LRRC37A2: variants seen among roughly 807,000 people sequenced by gnomAD.
LRRC37A2 encodes the protein leucine rich repeat containing 37 member A2.
In LRRC37A2, 9 loss-of-function variants were observed where a neutral mutation model predicts 68.8. The observed-to-expected ratio is 0.13, with a 90% CI of 0.08 to 0.23. The LOEUF (loss-of-function observed/expected upper bound fraction) is 0.23, where lower values mean the gene tolerates loss of function less well. Ranked by LOEUF, LRRC37A2 falls within the 10% of genes least tolerant of loss-of-function variation. The pLI, the probability that LRRC37A2 is intolerant of heterozygous loss-of-function variation, is 1.00. For missense variants in LRRC37A2, 168 were observed against 950.4 expected, an observed-to-expected ratio of 0.18 and a Z score of 10.82; for synonymous variants, 63 against 367.6, an observed-to-expected ratio of 0.17 and a Z score of 9.48.
the LRRC37A2 span, among the ~76,000 whole-genome samples, chr17:46,893,896 G>T: frequency 2.0e-5 from 3 of 152,190 alleles, no homozygotes; most frequent in South Asian, 2.1e-4. Context: ...CTTCAAGTGG[G>T]CGTGGAGGTG....
At chr17:46,900,328 G>A in the LRRC37A2 span, among the ~76,000 whole-genome samples, 3 of 151,410 alleles carry the variant, frequency 2.0e-5, no homozygotes, top group African/African-American at 7.3e-5. Flanking sequence ...TTGGCTCACT[G>A]CAGCCTCTGC....
chr17:46,968,064 C>T, the LRRC37A2 span, among the ~76,000 whole-genome samples: 409 of 152,046 alleles, frequency 2.7e-3, 2 homozygotes, highest in African/African-American at 9.5e-3. Flanking sequence ...GGGATGGGGG[C>T]CTTCTTCAGC....
chr17:46,622,353 G>A, the LRRC37A2 span, among the ~76,000 whole-genome samples: 1 of 150,130 alleles, frequency 6.7e-6, no homozygotes, highest in Admixed American at 6.6e-5. Context: ...AGCTACTTGG[G>A]AGGCTGAGGC....
At chr17:46,744,779 G>T in the LRRC37A2 span, among the ~76,000 whole-genome samples, 2 of 152,134 alleles carry the variant, frequency 1.3e-5, no homozygotes, top group Admixed American at 1.3e-4. Flanking sequence ...TCTTCATCAT[G>T]TAAAGAAGTG....
the LRRC37A2 span, chr17:46,935,511 A>G: frequency 1.5e-6 from 2 of 1,306,590 alleles, no homozygotes; most frequent in Non-Finnish European, 1.9e-6. Context: ...GGAAGAATGA[A>G]GACGTGGCTG....
chr17:46,822,244 C>T, the LRRC37A2 span, among the ~76,000 whole-genome samples: 6 of 151,930 alleles, frequency 3.9e-5, no homozygotes, highest in South Asian at 1.2e-3. Flanking sequence ...AGGCGAGCTC[C>T]CTAGAGGCCA....
the LRRC37A2 span, among the ~76,000 whole-genome samples, chr17:46,958,099 C>A: frequency 6.6e-6 from 1 of 152,188 alleles, no homozygotes. Context: ...AGTGGGTCTC[C>A]TCTCCCCATT....
the LRRC37A2 span, among the ~76,000 whole-genome samples, chr17:46,392,128 G>T: frequency 1.6e-5 from 1 of 62,848 alleles, no homozygotes; most frequent in Non-Finnish European, 3.7e-5. Context: ...CCTTACGGAT[G>T]TAAGTCCGTA....
At chr17:46,773,730 C>T in the LRRC37A2 span, 19 of 1,589,050 alleles carry the variant, frequency 1.2e-5, no homozygotes, top group South Asian at 2.2e-5. Context: ...GTTCCAGCGG[C>T]GGCCCCGGAA....
At chr17:46,860,252 G>T in the LRRC37A2 span, among the ~76,000 whole-genome samples, 1 of 152,182 alleles carries the variant, frequency 6.6e-6, no homozygotes, top group Non-Finnish European at 1.5e-5. Context: ...GAGGAGGGAA[G>T]CGGGGCCGGC....
chr17:46,953,556 T>A, the LRRC37A2 span, among the ~76,000 whole-genome samples: 5 of 152,352 alleles, frequency 3.3e-5, no homozygotes, highest in East Asian at 9.6e-4. Flanking sequence ...CCTTTGGGTA[T>A]ATACCCAGTA....
At chr17:46,946,496 A>T in the LRRC37A2 span, among the ~76,000 whole-genome samples, 1 of 141,202 alleles carries the variant, frequency 7.1e-6, no homozygotes, top group East Asian at 2.2e-4. Context: ...GGCCTGGGAT[A>T]TTCCCTTTGT....
At chr17:46,980,594 G>C in the LRRC37A2 span, among the ~76,000 whole-genome samples, 1 of 150,046 alleles carries the variant, frequency 6.7e-6, no homozygotes, top group African/African-American at 2.4e-5. Context: ...AGGCCGAGGC[G>C]GGTGGATCAC....
At chr17:47,035,437 TAGTTTCTTTTCACGA>T in the LRRC37A2 span, among the ~76,000 whole-genome samples, 1 of 152,208 alleles carries the variant, frequency 6.6e-6, no homozygotes, top group Non-Finnish European at 1.5e-5. Context: ...CTTTTGTGTC[TAGTTTCTTTTCACGA>T]AGCATGTTGT....
the LRRC37A2 span, among the ~76,000 whole-genome samples, chr17:46,830,017 C>T: frequency 2.0e-5 from 3 of 152,112 alleles, no homozygotes; most frequent in South Asian, 6.2e-4. Flanking sequence ...CTTCCTAAGA[C>T]CTGTTATTAT....
the LRRC37A2 span, among the ~76,000 whole-genome samples, chr17:46,801,520 T>G: frequency 6.6e-6 from 1 of 152,106 alleles, no homozygotes; most frequent in Non-Finnish European, 1.5e-5. Flanking sequence ...CTTGGGAGGC[T>G]GGGGCAGGAG....
chr17:46,776,560 G>A, the LRRC37A2 span, among the ~76,000 whole-genome samples: 4 of 152,172 alleles, frequency 2.6e-5, no homozygotes, highest in South Asian at 8.3e-4. Flanking sequence ...AGGCTGCAGA[G>A]GTCCCCGTTG....
At chr17:47,022,878 C>T in the LRRC37A2 span, among the ~76,000 whole-genome samples, 49 of 152,338 alleles carry the variant, frequency 3.2e-4, no homozygotes, top group Non-Finnish European at 5.4e-4. Context: ...GCAATGAAAT[C>T]CCTGTACATG....
the LRRC37A2 span, among the ~76,000 whole-genome samples, chr17:46,720,358 C>T: frequency 6.6e-6 from 1 of 152,126 alleles, no homozygotes; most frequent in Non-Finnish European, 1.5e-5. Flanking sequence ...GCAGAACTTT[C>T]AGACCTTGTG....
Sources: gnomAD v4.1 joint callset for allele counts (sites outside exome capture counted in the v4.1 genomes callset) on GRCh38, gnomAD v4.1.1 for gene constraint, MANE v1.5 for transcripts, NCBI Gene and HGNC (gene_info 2026-07-23, HGNC 2026-07-21) for gene names.